Variants in SLC39A11 observed in about 807,000 individuals in gnomAD.
SLC39A11 encodes solute carrier family 39 member 11.
Under a neutral mutation model 36.1 loss-of-function variants are expected in SLC39A11, and 33 were observed. The observed-to-expected ratio is 0.91, with a 90% CI of 0.69 to 1.22. The LOEUF (loss-of-function observed/expected upper bound fraction) is 1.22. Among genes scored for constraint, SLC39A11 ranks in the 50% most tolerant of loss-of-function variants. The pLI is 0.00. For missense variants in SLC39A11, 432 were observed against 430.3 expected (o/e 1.00, Z -0.03); for synonymous variants, 166 against 170.3 (o/e 0.97, Z 0.20).
At chr17:72,659,675 C>T (rs1171836864) in intron 7 of SLC39A11, among the ~76,000 whole-genome samples, 1 of 150,920 alleles carries the variant, frequency 6.6e-6, no homozygotes, top group African/African-American at 2.4e-5. Flanking sequence ...CTCTGCCTCC[C>T]GGGTTCAAGC....
intron 5 of SLC39A11, among the ~76,000 whole-genome samples, chr17:72,865,459 G>T (rs1433656977): frequency 1.3e-5 from 2 of 149,032 alleles, no homozygotes; most frequent in African/African-American, 4.9e-5. Flanking sequence ...CAAAGGTCAG[G>T]GTATGAGTTT....
chr17:72,748,279 G>A (rs1021824886), intron 6 of SLC39A11, among the ~76,000 whole-genome samples: 4 of 149,568 alleles, frequency 2.7e-5, no homozygotes, highest in Non-Finnish European at 5.9e-5. Flanking sequence ...CCGAGATCGC[G>A]CCATTGCCCT....
chr17:72,767,251 C>T (rs570600259), intron 6 of SLC39A11, among the ~76,000 whole-genome samples: 3 of 152,316 alleles, frequency 2.0e-5, no homozygotes, highest in South Asian at 2.1e-4. Flanking sequence ...TTTTGTTTTG[C>T]TGATTTTCTC....
intron 5 of SLC39A11, among the ~76,000 whole-genome samples, chr17:72,888,863 C>T (rs778716248): frequency 1.3e-5 from 2 of 151,926 alleles, no homozygotes; most frequent in Non-Finnish European, 2.9e-5. Context: ...GATTGTGGCC[C>T]TACACTCCAA....
intron 6 of SLC39A11, among the ~76,000 whole-genome samples, chr17:72,779,502 C>T (rs2076238892): frequency 6.6e-6 from 1 of 152,144 alleles, no homozygotes; most frequent in Admixed American, 6.6e-5. Flanking sequence ...TCCCAGACAT[C>T]CTGGGACATG....
rs148113242 is a variant in SLC39A11, at chr17:72,999,711, T to C, written c.306+31845A>G. Among the ~76,000 whole-genome samples, 893 of 152,234 alleles carry C rather than the reference T, an allele frequency of 5.9e-3. 5 individuals carry two copies. Among genetic ancestry groups the C allele is most frequent in the African/African-American group, 0.02 (829 of 41,520 alleles). On this transcript the variant is annotated intron_variant, in intron 4 of 9. Transcript: ENST00000255559. The stretch of plus-strand genomic sequence containing the variant: ...TGCCTAGGGCTGCAGATGGTTTTCT[T>C]TTATTTTAGCTATCCTGTATCTGTT...
At chr17:73,019,914 G>C (rs1026784379) in intron 4 of SLC39A11, among the ~76,000 whole-genome samples, 1 of 152,168 alleles carries the variant, frequency 6.6e-6, no homozygotes, top group Non-Finnish European at 1.5e-5. Context: ...AATGGAAGAA[G>C]ATATACCAAG....
At chr17:72,885,569 T>C (rs2081401727) in intron 5 of SLC39A11, among the ~76,000 whole-genome samples, 1 of 152,196 alleles carries the variant, frequency 6.6e-6, no homozygotes, top group Non-Finnish European at 1.5e-5. Context: ...GCACTACTTA[T>C]CAGATCTACC....
At chr17:72,872,816 G>C (rs973485953) in intron 5 of SLC39A11, among the ~76,000 whole-genome samples, 5 of 152,084 alleles carry the variant, frequency 3.3e-5, no homozygotes, top group Admixed American at 3.3e-4. Flanking sequence ...CAGCACTTTG[G>C]GAGGCTGAGG....
intron 6 of SLC39A11, among the ~76,000 whole-genome samples, chr17:72,807,119 G>A (rs2077280882): frequency 6.6e-6 from 1 of 151,942 alleles, no homozygotes; most frequent in Non-Finnish European, 1.5e-5. Context: ...TAATCTAATT[G>A]TGCCTTTTCA....
At chr17:72,936,866 C>T (rs573622844) in intron 5 of SLC39A11, among the ~76,000 whole-genome samples, 41 of 152,188 alleles carry the variant, frequency 2.7e-4, no homozygotes, top group Non-Finnish European at 4.0e-4. Flanking sequence ...ACAGGGTTCT[C>T]GCTCCTGTGA....
chr17:72,817,650 T>C (rs2077629404), intron 6 of SLC39A11, among the ~76,000 whole-genome samples: 1 of 152,208 alleles, frequency 6.6e-6, no homozygotes, highest in East Asian at 1.9e-4. Context: ...ATTTCATCTT[T>C]ACACAGTTCT....
chr17:73,084,801 T>C lies in SLC39A11; in HGVS notation c.147+7A>G, dbSNP rs773006537. On this transcript the variant is annotated splice_region_variant and intron_variant, in intron 3 of 9. Transcript: ENST00000255559. ...AATTTCCATTTCTCCTACTACATGC[T>C]ACTTACCCCTGCAGCAAAGCCAAGA... 5.0e-6 allele frequency: 8 copies of C among 1,613,936 alleles called. No individual in the cohort carries two copies. In the East Asian group the frequency reaches 1.8e-4, roughly 36 times the overall value.
chr17:72,787,596 T>G (rs2076565800), intron 6 of SLC39A11, among the ~76,000 whole-genome samples: 1 of 152,196 alleles, frequency 6.6e-6, no homozygotes, highest in Non-Finnish European at 1.5e-5. Context: ...CTTAAATTAC[T>G]GGGGTTCTAC....
At chr17:72,930,033 CCTGA>C (rs2084286698) in intron 5 of SLC39A11, among the ~76,000 whole-genome samples, 1 of 152,198 alleles carries the variant, frequency 6.6e-6, no homozygotes, top group African/African-American at 2.4e-5. Flanking sequence ...CTAGAAATCT[CCTGA>C]CTTTTAAAAT....
intron 6 of SLC39A11, among the ~76,000 whole-genome samples, chr17:72,754,043 T>C (rs368056455): frequency 0.14 from 6,336 of 46,300 alleles, 159 homozygotes; most frequent in East Asian, 0.17. Flanking sequence ...TATATATATA[T>C]ATACACATAC....
intron 6 of SLC39A11, among the ~76,000 whole-genome samples, chr17:72,753,889 C>CAAAAAAAAAAA (rs35076559): frequency 3.9e-5 from 2 of 51,944 alleles, no homozygotes; most frequent in African/African-American, 6.6e-5. Flanking sequence ...AGTCATTATA[C>CAAAAAAAAAAA]AAAAAAAAAA....
intron 7 of SLC39A11, among the ~76,000 whole-genome samples, chr17:72,655,734 G>A (rs1319895967): frequency 6.6e-6 from 1 of 152,212 alleles, no homozygotes; most frequent in Non-Finnish European, 1.5e-5. Context: ...AGCTTTGGAG[G>A]AGATCTGGAG....
chr17:72,935,620 A>C (rs1439184181), intron 5 of SLC39A11, among the ~76,000 whole-genome samples: 2 of 152,230 alleles, frequency 1.3e-5, no homozygotes, highest in Non-Finnish European at 2.9e-5. Context: ...TCTGCAGCCC[A>C]GGCTGGAGTG....
Sources: allele counts gnomAD v4.1 joint callset (sites outside exome capture counted in the v4.1 genomes callset), GRCh38; gene constraint gnomAD v4.1.1; transcripts MANE v1.5; gene names NCBI Gene and HGNC (gene_info 2026-07-23, HGNC 2026-07-21).